VCX3A: variants seen among roughly 807,000 people sequenced by gnomAD.
VCX3A encodes the protein variable charge X-linked protein 3.
For missense variants in VCX3A, 37 were observed against 151.4 expected (o/e 0.24, Z 3.97); for synonymous variants, 6 against 69.9 (o/e 0.09, Z 4.56).
chrX:6,535,001 G>A lies in VCX3A; in HGVS notation c.-190C>T, dbSNP rs1283230035. ...AACTGGGATGGATGGAGGGCTATAC[G>A]AAGACGTCAATCATCCCTCTCTCCT... On this transcript the variant is annotated 5_prime_UTR_variant, in exon 1 of 3. Coordinates refer to ENST00000381089, the MANE Select transcript of VCX3A (RefSeq NM_016379.4). 15 of 152,835 alleles carry A rather than the reference G, an allele frequency of 9.8e-5. No individual in the cohort carries two copies. The highest frequency in any genetic ancestry group is 1.5e-4 in the Admixed American group (2 of 13,258). 12.6% of individuals were successfully genotyped at this position (152,835 alleles called of 1,213,427 possible).
chrX:6,533,872 C>G lies in VCX3A; in HGVS notation c.434G>C (p.Ser145Thr), dbSNP rs1921760542. 3 of 1,154,968 alleles carry G rather than the reference C, an allele frequency of 2.6e-6. No individual in the cohort carries two copies. The East Asian group carries it at 9.8e-5, about 38-fold the overall frequency. Residue 145 changes from serine to threonine, a missense_variant, in exon 3 of 3, where the codon AGT (serine) becomes ACT (threonine). Transcript: ENST00000381089. Reference protein sequence around the residue: ...SQESEVEEPLSQESQVEEPLS... With the variant: ...SQESEVEEPLTQESQVEEPLS... ...TGGTTCCTCCACCTGGCTCTCCTGACTCAGTGGTTCTTCCACCTCGCTCTC... is the reference window on the plus strand; with the variant it reads ...TGGTTCCTCCACCTGGCTCTCCTGAGTCAGTGGTTCTTCCACCTCGCTCTC...
At position 6,533,632 on chromosome X, in the gene VCX3A, A is replaced by C. The variant is rs753757132; in HGVS notation, c.*113T>G. On this transcript the variant is annotated 3_prime_UTR_variant, in exon 3 of 3. Transcript: ENST00000381089. ...AGTCACTCAGATCAATTTGCAACACATTCATTTTATTATCTTCAGAATGGC... is the reference window on the plus strand; with the variant it reads ...AGTCACTCAGATCAATTTGCAACACCTTCATTTTATTATCTTCAGAATGGC... The C allele has an allele frequency of 8.7e-5, 92 of 1,063,474 alleles. No homozygotes were observed. The highest frequency in any genetic ancestry group is 1.0e-4 in the Non-Finnish European group (83 of 798,259). 87.6% of individuals were successfully genotyped at this position (1,063,474 alleles called of 1,213,427 possible).
Position 6,533,737 on chromosome X carries a change from C to T in VCX3A, c.*8G>A, listed in dbSNP as rs1058244. The T allele has an allele frequency of 5.8e-3, 5,553 of 955,576 alleles. 111 individuals are homozygous for T. Among genetic ancestry groups the T allele is most frequent in the African/African-American group, 0.028 (631 of 22,483 alleles). The allele number at this position is 955,576 out of a possible 1,213,427, so 78.8% of individuals were successfully genotyped here. ...GCTGCTCTCGGAGATAGGGGAGTAGCTGGCCGTCTACACACTCGGTAGTTC... is the reference window on the plus strand; with the variant it reads ...GCTGCTCTCGGAGATAGGGGAGTAGTTGGCCGTCTACACACTCGGTAGTTC... On this transcript the variant is annotated 3_prime_UTR_variant, in exon 3 of 3. Coordinates refer to ENST00000381089, the MANE Select transcript of VCX3A (RefSeq NM_016379.4).
In VCX3A at chrX:6,533,758, A is replaced by G. The variant is rs5989511; in HGVS notation, c.548T>C (p.Leu183Pro). 55 of 1,192,287 alleles carry G rather than the reference A, an allele frequency of 4.6e-5. No individual in the cohort carries two copies. Among genetic ancestry groups the G allele is most frequent in the Non-Finnish European group, 5.9e-5 (52 of 886,741 alleles). ...PLSQESEMEELPSV is the reference protein window; with the variant it reads ...PLSQESEMEEPPSV ...GTAGCTGGCCGTCTACACACTCGGTAGTTCTTCCATCTCGCTCTCCTGACT... is the reference window on the plus strand; with the variant it reads ...GTAGCTGGCCGTCTACACACTCGGTGGTTCTTCCATCTCGCTCTCCTGACT... The change falls in exon 3 of 3, where the codon CTA becomes CCA. Residue 183 changes from leucine to proline, a missense_variant. Coordinates refer to ENST00000381089, the MANE Select transcript of VCX3A (RefSeq NM_016379.4).
In VCX3A at chrX:6,534,575, C is replaced by T. The variant is rs1484770131; in HGVS notation, c.-78G>A. On this transcript the variant is annotated 5_prime_UTR_variant, in exon 2 of 3. Transcript: ENST00000381089. Reference sequence around the variant, plus strand: ...TCCCTGTATATACCCCTCTCGCGATCCCAGGACGAGACAATCACGCCCCTG... The same window carrying T: ...TCCCTGTATATACCCCTCTCGCGATTCCAGGACGAGACAATCACGCCCCTG... 2.5e-6 allele frequency: 1 copy of T among 398,891 alleles called. No individual in the cohort carries two copies. Among genetic ancestry groups the T allele is most frequent in the South Asian group, 3.5e-5 (1 of 28,884 alleles). The allele number at this position is 398,891 out of a possible 1,213,427, so 32.9% of individuals were successfully genotyped here. A position where few individuals can be genotyped will look rare whatever the true frequency, so the allele number is the denominator to read the frequency against.
Sources: gnomAD v4.1 joint callset for allele counts on GRCh38, gnomAD v4.1.1 for gene constraint, MANE v1.5 for transcripts, NCBI Gene and HGNC (gene_info 2026-07-23, HGNC 2026-07-21) for gene names.